Variants in PAK1 observed in about 807,000 individuals in gnomAD.
PAK1 encodes serine/threonine-protein kinase PAK 1.
In PAK1, 29 loss-of-function variants were observed where a neutral mutation model predicts 67.4. That is an observed-to-expected ratio of 0.43 (90% CI 0.32 to 0.59). The LOEUF is 0.59. Among genes scored for constraint, PAK1 ranks in the 20% least tolerant of loss-of-function variants. The probability of loss-of-function intolerance (pLI) is 0.07; values close to 1 mark genes in which losing one functional copy is unlikely to be tolerated. For missense variants in PAK1, 337 were observed against 670.7 expected, an observed-to-expected ratio of 0.50 and a Z score of 5.50; for synonymous variants, 223 against 237.4, an observed-to-expected ratio of 0.94 and a Z score of 0.56.
At chr11:77,470,860 C>A (rs183084093) in intron 1 of PAK1, among the ~76,000 whole-genome samples, 1 of 152,116 alleles carries the variant, frequency 6.6e-6, no homozygotes, top group Non-Finnish European at 1.5e-5. Context: ...AACAAACAAA[C>A]GAACAAAAGA....
chr11:77,340,801 A>G (rs755300367), intron 10 of PAK1, 38 bp from the exon 11 acceptor site: 6 of 1,080,952 alleles, frequency 5.6e-6, no homozygotes, highest in South Asian at 1.2e-5. Context: ...GAGAACAATC[A>G]GAGTACACTG....
the PAK1 span, among the ~76,000 whole-genome samples, chr11:77,521,169 C>T: frequency 6.6e-6 from 1 of 152,124 alleles, no homozygotes; most frequent in Admixed American, 6.5e-5. Flanking sequence ...TATTGTCTGC[C>T]TCTGGATCCC....
At chr11:77,449,687 T>C (rs895185475) in intron 1 of PAK1, among the ~76,000 whole-genome samples, 2 of 99,582 alleles carry the variant, frequency 2.0e-5, no homozygotes, top group Non-Finnish European at 4.4e-5. Context: ...TTCAATCCTA[T>C]AGGTAAAAAA....
At chr11:77,503,699 T>TA in the PAK1 span, among the ~76,000 whole-genome samples, 5 of 152,000 alleles carry the variant, frequency 3.3e-5, no homozygotes, top group Admixed American at 2.6e-4. Context: ...TCCACCTCTA[T>TA]AAAAAAAGTT....
the PAK1 span, among the ~76,000 whole-genome samples, chr11:77,512,297 A>G: frequency 6.7e-6 from 1 of 149,724 alleles, no homozygotes; most frequent in South Asian, 2.1e-4. Context: ...ATTTCTCCCC[A>G]TCTTCCTCTT....
At chr11:77,478,274 T>G (rs535906987), upstream of PAK1, among the ~76,000 whole-genome samples, 2 of 152,308 alleles carry the variant, frequency 1.3e-5, no homozygotes, top group African/African-American at 4.8e-5. Flanking sequence ...TGTATTTCAC[T>G]TTATAAGAAA....
intron 1 of PAK1, among the ~76,000 whole-genome samples, chr11:77,468,820 T>A (rs1379188013): frequency 6.6e-6 from 1 of 152,184 alleles, no homozygotes; most frequent in Admixed American, 6.5e-5. Flanking sequence ...CTTAGAATTT[T>A]AAAATGTGGT....
intron 5 of PAK1, among the ~76,000 whole-genome samples, chr11:77,360,158 C>T (rs1480588029): frequency 6.6e-6 from 1 of 152,124 alleles, no homozygotes; most frequent in Non-Finnish European, 1.5e-5. Flanking sequence ...GAATAATATA[C>T]TAGAGGTACT....
At chr11:77,502,949 G>T in the PAK1 span, among the ~76,000 whole-genome samples, 1 of 152,098 alleles carries the variant, frequency 6.6e-6, no homozygotes, top group South Asian at 2.1e-4. Context: ...ATAAGCACGT[G>T]TGATTTATAA....
At chr11:77,417,603 C>A (rs1955037106) in intron 1 of PAK1, among the ~76,000 whole-genome samples, 3 of 152,108 alleles carry the variant, frequency 2.0e-5, no homozygotes, top group African/African-American at 7.2e-5. Flanking sequence ...ACAACCCAAA[C>A]AGTAAACCCT....
the PAK1 span, among the ~76,000 whole-genome samples, chr11:77,526,993 G>A: frequency 2.0e-5 from 3 of 151,988 alleles, no homozygotes; most frequent in Non-Finnish European, 4.4e-5. Context: ...AGTGTGGTGA[G>A]GGGAAATTTC....
rs757020946 is a variant in PAK1, at chr11:77,332,798, G to A, written c.1483C>T (p.Arg495Trp). 8.1e-6 allele frequency: 13 copies of A among 1,613,230 alleles called. No individual in the cohort carries two copies. The highest frequency in any genetic ancestry group is 2.2e-5 in the East Asian group (1 of 44,886). Residue 495 changes from arginine (R) to tryptophan (W), a missense_variant, in exon 14 of 15, where the codon CGG (arginine) becomes TGG (tryptophan). Physicochemically the swap from Arg to Trp is moderately radical, Grantham distance 101. Transcript: ENST00000356341. ...QNPEKLSAIF[R>W]DFLNRCLEMD... ...TCGAGACAGCGGTTCAGAAAGTCCC[G>A]GAAGATAGCTGACAGCTTCTCTGGG... is the stretch of plus-strand genomic sequence containing the variant.
chr11:77,368,720 G>C (rs1484426703), intron 5 of PAK1, among the ~76,000 whole-genome samples: 1 of 152,110 alleles, frequency 6.6e-6, no homozygotes, highest in Non-Finnish European at 1.5e-5. Context: ...GCAGTGGCAT[G>C]ATCTCGGCTC....
At chr11:77,433,469 A>G (rs1026117976) in intron 1 of PAK1, among the ~76,000 whole-genome samples, 1 of 152,186 alleles carries the variant, frequency 6.6e-6, no homozygotes, top group Non-Finnish European at 1.5e-5. Context: ...AGGATATATA[A>G]AGAACTCTTA....
At chr11:77,512,897 T>C in the PAK1 span, among the ~76,000 whole-genome samples, 3 of 151,954 alleles carry the variant, frequency 2.0e-5, no homozygotes, top group African/African-American at 7.3e-5. Flanking sequence ...AGTTCGAGAC[T>C]GGCCTGGGCA....
intron 3 of PAK1, 91 bp downstream of exon 3, chr11:77,379,803 G>A: frequency 2.3e-6 from 2 of 871,844 alleles, no homozygotes; most frequent in Non-Finnish European, 3.7e-6. Context: ...GGCAAAGATA[G>A]AAGCATCAGG....
intron 1 of PAK1, among the ~76,000 whole-genome samples, chr11:77,401,353 C>T (rs150757007): frequency 6.4e-4 from 98 of 152,154 alleles, no homozygotes; most frequent in African/African-American, 1.9e-3. Flanking sequence ...GCAACACCTG[C>T]TAGAGCAACA....
chr11:77,415,202 A>G (rs759149744), intron 1 of PAK1, among the ~76,000 whole-genome samples: 12 of 152,240 alleles, frequency 7.9e-5, no homozygotes, highest in East Asian at 1.9e-4. Context: ...TAGAATAACT[A>G]AAATCCAAAA....
Position 77,358,897 on chromosome 11 carries a change from C to T in PAK1, c.597+1G>A. The T allele has an allele frequency of 6.2e-7, 1 of 1,613,536 alleles. No homozygotes were observed. Among genetic ancestry groups the T allele is most frequent in the Non-Finnish European group, 8.5e-7 (1 of 1,179,624 alleles). ...AACTGGCCAGGTCCCCAAAGACTCA[C>T]AGATTTTGTGTGCTCTGGGCGTGGA... On this transcript the variant is annotated splice_donor_variant, in intron 6 of 14. Coordinates refer to ENST00000356341, the MANE Select transcript of PAK1 (RefSeq NM_002576.5). LOFTEE classifies it high-confidence loss of function.
Sources: gnomAD v4.1 joint callset for allele counts (sites outside exome capture counted in the v4.1 genomes callset) on GRCh38, gnomAD v4.1.1 for gene constraint, MANE v1.5 for transcripts, NCBI Gene and HGNC (gene_info 2026-07-23, HGNC 2026-07-21) for gene names.